The following NKAIN3 variants were observed in gnomAD, a reference collection of about 807,000 sequenced individuals.
NKAIN3 encodes sodium/potassium-transporting ATPase subunit beta-1-interacting protein 3.
In NKAIN3, 25 loss-of-function variants were observed where a neutral mutation model predicts 30.2. The ratio of observed to expected loss-of-function variants is 0.83; its 90% CI spans 0.60 to 1.16. The LOEUF (loss-of-function observed/expected upper bound fraction) is 1.16. NKAIN3 is among the 50% of genes most tolerant of loss of function. The pLI is 0.00. For missense variants in NKAIN3, 225 were observed against 254.1 expected, an observed-to-expected ratio of 0.89 and a Z score of 0.78; for synonymous variants, 91 against 89.6, an observed-to-expected ratio of 1.02 and a Z score of -0.09.
intron 3 of NKAIN3, among the ~76,000 whole-genome samples, chr8:62,729,823 A>G (rs1815410652): frequency 6.6e-6 from 1 of 152,220 alleles, no homozygotes; most frequent in African/African-American, 2.4e-5. Flanking sequence ...GATGGCTTCC[A>G]ATCTAAATTT....
Position 62,805,857 on chromosome 8 carries a change from A to G in NKAIN3, c.471+58728A>G, listed in dbSNP as rs1038492077. Among the ~76,000 whole-genome samples the G allele has an allele frequency of 1.6e-3, 248 of 152,258 alleles. 1 individual carries two copies. Among genetic ancestry groups the G allele is most frequent in the African/African-American group, 5.6e-3 (232 of 41,568 alleles). On this transcript the variant is annotated intron_variant, in intron 4 of 6. Coordinates refer to ENST00000623646, the MANE Select transcript of NKAIN3 (RefSeq NM_001304533.3). Reference sequence around the variant, plus strand: ...CAGCAAAAGAAACTACCATCAGAGTATACAGGCAACCTACAAAATGGGAGA... The same window carrying G: ...CAGCAAAAGAAACTACCATCAGAGTGTACAGGCAACCTACAAAATGGGAGA...
chr8:62,908,445 G>C (rs1432622344), intron 4 of NKAIN3, among the ~76,000 whole-genome samples: 1 of 152,088 alleles, frequency 6.6e-6, no homozygotes, highest in African/African-American at 2.4e-5. Flanking sequence ...GATTTGGTAG[G>C]GGCCAGGAGT....
chr8:62,987,292 C>CTGAG (rs1824222569), downstream of NKAIN3, among the ~76,000 whole-genome samples: 1 of 151,962 alleles, frequency 6.6e-6, no homozygotes, highest in South Asian at 2.1e-4. Context: ...ACTTGAGAGG[C>CTGAG]TGAGGCATGA....
intron 4 of NKAIN3, among the ~76,000 whole-genome samples, chr8:62,824,019 A>G (rs1818940481): frequency 6.6e-6 from 1 of 152,318 alleles, no homozygotes; most frequent in South Asian, 2.1e-4. Flanking sequence ...CTGAACTGCT[A>G]TGCAATCTTA....
At chr8:62,438,588 G>A (rs552407252) in intron 1 of NKAIN3, among the ~76,000 whole-genome samples, 18 of 152,184 alleles carry the variant, frequency 1.2e-4, no homozygotes, top group Non-Finnish European at 2.1e-4. Context: ...TTGAGAAGGA[G>A]GCTCACTCTG....
intron 5 of NKAIN3, among the ~76,000 whole-genome samples, chr8:62,922,391 C>T (rs987742251): frequency 1.3e-5 from 2 of 151,758 alleles, no homozygotes; most frequent in African/African-American, 2.4e-5. Context: ...ATGAAAGAAG[C>T]GAATGTGGTA....
intron 3 of NKAIN3, among the ~76,000 whole-genome samples, chr8:62,612,717 G>A (rs1811334115): frequency 6.6e-6 from 1 of 151,682 alleles, no homozygotes; most frequent in Admixed American, 6.6e-5. Flanking sequence ...CTCTAGTGAA[G>A]GTAATTTTCT....
At chr8:62,274,758 A>G (rs981372783) in intron 1 of NKAIN3, among the ~76,000 whole-genome samples, 3 of 44,754 alleles carry the variant, frequency 6.7e-5, no homozygotes, top group African/African-American at 2.7e-4. Context: ...CCCCCACCCC[A>G]CAACAGTCCC....
intron 1 of NKAIN3, among the ~76,000 whole-genome samples, chr8:62,560,979 GA>G (rs1213176123): frequency 6.6e-6 from 1 of 151,828 alleles, no homozygotes; most frequent in Non-Finnish European, 1.5e-5. Flanking sequence ...TTTTGTTGAA[GA>G]TCTTTAATCT....
chr8:62,377,037 C>T (rs1817106118), intron 1 of NKAIN3, among the ~76,000 whole-genome samples: 1 of 151,988 alleles, frequency 6.6e-6, no homozygotes, highest in Admixed American at 6.5e-5. Flanking sequence ...TCAAGAAGTT[C>T]AGTGAAAAAC....
intron 1 of NKAIN3, among the ~76,000 whole-genome samples, chr8:62,454,414 G>A (rs1330615051): frequency 6.6e-6 from 1 of 151,730 alleles, no homozygotes; most frequent in Admixed American, 6.6e-5. Flanking sequence ...TCTGTGGGCC[G>A]TGGGTTGGAT....
intron 3 of NKAIN3, among the ~76,000 whole-genome samples, chr8:62,688,570 T>C (rs529613333): frequency 6.6e-6 from 1 of 152,270 alleles, no homozygotes; most frequent in South Asian, 2.1e-4. Flanking sequence ...AAAACAAATT[T>C]ATACCTTGGC....
chr8:62,848,805 T>C (rs1313495729), intron 4 of NKAIN3, among the ~76,000 whole-genome samples: 1 of 152,174 alleles, frequency 6.6e-6, no homozygotes, highest in Non-Finnish European at 1.5e-5. Context: ...GGGTTTGTCA[T>C]GTGTGGCTCT....
At chr8:62,520,981 T>C (rs1463023638) in intron 1 of NKAIN3, among the ~76,000 whole-genome samples, 1 of 151,424 alleles carries the variant, frequency 6.6e-6, no homozygotes, top group Non-Finnish European at 1.5e-5. Flanking sequence ...TAAGAATCGT[T>C]AGAGGGGCCC....
rs1191297233 is a variant in NKAIN3 at position 62,367,909 on chromosome 8, C to T, written c.54+118782C>T. On this transcript the variant is annotated intron_variant, in intron 1 of 6. Coordinates refer to ENST00000623646, the MANE Select transcript of NKAIN3 (RefSeq NM_001304533.3). Reference sequence around the variant, plus strand: ...GGATATGAAGTCAGCATACAAAAGTCAGTAGTGTCTCTACACTAATGAGGA... The same window carrying T: ...GGATATGAAGTCAGCATACAAAAGTTAGTAGTGTCTCTACACTAATGAGGA... 3.3e-5 allele frequency among the ~76,000 whole-genome samples: 5 copies of T among 152,016 alleles called. No individual in the cohort carries two copies. In the East Asian group the frequency reaches 9.6e-4, roughly 29 times the overall value.
chr8:62,412,868 C>T (rs1804292631), intron 1 of NKAIN3, among the ~76,000 whole-genome samples: 1 of 145,730 alleles, frequency 6.9e-6, no homozygotes, highest in Non-Finnish European at 1.5e-5. Flanking sequence ...GCTGAGATCG[C>T]ACCACTGCAC....
At chr8:62,361,798 C>T (rs1253869457) in intron 1 of NKAIN3, among the ~76,000 whole-genome samples, 1 of 152,112 alleles carries the variant, frequency 6.6e-6, no homozygotes, top group Non-Finnish European at 1.5e-5. Context: ...TTACAATTCC[C>T]AACAGCTTTA....
chr8:62,456,380 G>A (rs189141978), intron 1 of NKAIN3, among the ~76,000 whole-genome samples: 4 of 152,180 alleles, frequency 2.6e-5, no homozygotes, highest in South Asian at 4.2e-4. Context: ...TTAGCCAGGC[G>A]TGGTGGCGGG....
intron 1 of NKAIN3, among the ~76,000 whole-genome samples, chr8:62,526,450 T>C (rs1296735200): frequency 6.6e-6 from 1 of 152,236 alleles, no homozygotes; most frequent in African/African-American, 2.4e-5. Flanking sequence ...AGAGTAGAGG[T>C]TGAACTAGAT....
Sources: gnomAD v4.1 joint callset for allele counts (sites outside exome capture counted in the v4.1 genomes callset) on GRCh38, gnomAD v4.1.1 for gene constraint, MANE v1.5 for transcripts, NCBI Gene and HGNC (gene_info 2026-07-23, HGNC 2026-07-21) for gene names.